The following CACNB2 variants were observed in gnomAD, a reference collection of about 807,000 sequenced individuals.
CACNB2 encodes calcium voltage-gated channel auxiliary subunit beta 2.
Under a neutral mutation model 73.3 loss-of-function variants are expected in CACNB2, and 42 were observed. The ratio of observed to expected loss-of-function variants is 0.57; its 90% CI spans 0.45 to 0.74. CACNB2 has a LOEUF of 0.74. Among genes scored for constraint, CACNB2 ranks in the 30% least tolerant of loss-of-function variants. The pLI is 0.00. For synonymous variants in CACNB2, 348 were observed against 310.3 expected, an observed-to-expected ratio of 1.12 and a Z score of -1.28; for missense variants, 940 against 853.0, an observed-to-expected ratio of 1.10 and a Z score of -1.27.
At chr10:18,306,272 A>G (rs2131857797) in intron 2 of CACNB2, among the ~76,000 whole-genome samples, 1 of 152,314 alleles carries the variant, frequency 6.6e-6, no homozygotes. Context: ...TCACTTGAGG[A>G]GAAGTGAGTT....
chr10:18,409,099 G>A (rs974682460), intron 3 of CACNB2, among the ~76,000 whole-genome samples: 1 of 151,972 alleles, frequency 6.6e-6, no homozygotes, highest in Non-Finnish European at 1.5e-5. Context: ...GGAGTTCGAG[G>A]CCAGGCTGGC....
At chr10:18,336,854 G>A (rs1165278015) in intron 2 of CACNB2, among the ~76,000 whole-genome samples, 1 of 152,134 alleles carries the variant, frequency 6.6e-6, no homozygotes, top group Non-Finnish European at 1.5e-5. Flanking sequence ...ATCCTTGGTT[G>A]CGTGTTAGAC....
chr10:18,462,181 A>G (rs2047617085), intron 3 of CACNB2, among the ~76,000 whole-genome samples: 1 of 152,204 alleles, frequency 6.6e-6, no homozygotes, highest in South Asian at 2.1e-4. Context: ...TATTCACTAT[A>G]AGAAATTATT....
chr10:18,490,281 T>C (rs532124880), intron 3 of CACNB2, among the ~76,000 whole-genome samples: 2 of 152,316 alleles, frequency 1.3e-5, no homozygotes, highest in South Asian at 4.1e-4. Flanking sequence ...CACAAACCAA[T>C]ATGCCACAAA....
chr10:18,477,702 AT>A (rs1454431276), intron 3 of CACNB2, among the ~76,000 whole-genome samples: 4 of 152,136 alleles, frequency 2.6e-5, no homozygotes, highest in African/African-American at 9.7e-5. Context: ...GGGTGTGGTA[AT>A]TCACATAATG....
chr10:18,328,387 G>C (rs1182322658), intron 2 of CACNB2, among the ~76,000 whole-genome samples: 1 of 152,184 alleles, frequency 6.6e-6, no homozygotes, highest in Non-Finnish European at 1.5e-5. Context: ...GCAAGGCTGA[G>C]AAAGACTGGT....
chr10:18,371,981 T>A (rs1349619842), intron 2 of CACNB2, among the ~76,000 whole-genome samples: 1 of 152,252 alleles, frequency 6.6e-6, no homozygotes, highest in African/African-American at 2.4e-5. Flanking sequence ...TCATGTGTCT[T>A]TTGCCTGCAT....
chr10:18,493,722 A>G (rs893981233), intron 3 of CACNB2, among the ~76,000 whole-genome samples: 9 of 152,164 alleles, frequency 5.9e-5, no homozygotes, highest in Admixed American at 2.0e-4. Flanking sequence ...ATCCAAATCC[A>G]GGTCCACTTA....
intron 2 of CACNB2, among the ~76,000 whole-genome samples, chr10:18,372,184 CT>C (rs1358471537): frequency 2.0e-5 from 3 of 152,100 alleles, no homozygotes; most frequent in African/African-American, 7.2e-5. Context: ...GTTTCTTTTG[CT>C]GTGCAGAAGG....
chr10:18,297,518 A>G (rs1448159054), intron 2 of CACNB2, among the ~76,000 whole-genome samples: 1 of 152,198 alleles, frequency 6.6e-6, no homozygotes, highest in African/African-American at 2.4e-5. Flanking sequence ...TGATCATGAC[A>G]CTGCATTCCG....
intron 2 of CACNB2, among the ~76,000 whole-genome samples, chr10:18,281,737 T>G (rs7897882): frequency 0.79 from 120,533 of 152,022 alleles, 48,037 homozygotes; most frequent in East Asian, 0.99. Flanking sequence ...ATAGCACTTT[T>G]GGAGGCTGTG....
At chr10:18,490,358 A>G (rs977937329) in intron 3 of CACNB2, among the ~76,000 whole-genome samples, 3 of 152,210 alleles carry the variant, frequency 2.0e-5, no homozygotes, top group African/African-American at 7.2e-5. Context: ...CCCTCATGCT[A>G]TGTAGCATGT....
intron 2 of CACNB2, among the ~76,000 whole-genome samples, chr10:18,156,211 T>A (rs933768699): frequency 3.3e-5 from 5 of 152,250 alleles, no homozygotes; most frequent in Non-Finnish European, 7.3e-5. Flanking sequence ...TTAAGAAGAA[T>A]CACTGGTCTT....
intron 2 of CACNB2, among the ~76,000 whole-genome samples, chr10:18,386,988 C>A (rs981894363): frequency 6.6e-6 from 1 of 152,150 alleles, no homozygotes; most frequent in Admixed American, 6.5e-5. Flanking sequence ...CATTTAATTC[C>A]CTTCATAATT....
At chr10:18,529,249 T>C (rs2052763068) in intron 10 of CACNB2, among the ~76,000 whole-genome samples, 1 of 152,226 alleles carries the variant, frequency 6.6e-6, no homozygotes, top group Non-Finnish European at 1.5e-5. Flanking sequence ...CAAGATTTTT[T>C]TTACAACTAC....
chr10:18,394,166 C>A (rs898740729), intron 2 of CACNB2, among the ~76,000 whole-genome samples: 1 of 122,614 alleles, frequency 8.2e-6, no homozygotes, highest in African/African-American at 3.0e-5. Context: ...GGTCTCTTGG[C>A]CAGGCTGGTC....
intron 2 of CACNB2, among the ~76,000 whole-genome samples, chr10:18,242,986 G>C (rs925948547): frequency 1.7e-4 from 25 of 146,482 alleles, no homozygotes; most frequent in African/African-American, 6.4e-4. Context: ...CTCCAGCCTG[G>C]GCGACAGAGC....
intron 2 of CACNB2, among the ~76,000 whole-genome samples, chr10:18,391,405 T>C (rs2043462245): frequency 6.6e-6 from 1 of 152,140 alleles, no homozygotes; most frequent in Non-Finnish European, 1.5e-5. Context: ...TTGGGAGAGC[T>C]TTAAACTATA....
chr10:18,331,673 A>G (rs1172946402), intron 2 of CACNB2, among the ~76,000 whole-genome samples: 1 of 152,110 alleles, frequency 6.6e-6, no homozygotes, highest in Non-Finnish European at 1.5e-5. Context: ...CTAGGTGATG[A>G]GTTGAACATC....
Sources: gnomAD v4.1 joint callset for allele counts (sites outside exome capture counted in the v4.1 genomes callset) on GRCh38, gnomAD v4.1.1 for gene constraint, MANE v1.5 for transcripts, NCBI Gene and HGNC (gene_info 2026-07-23, HGNC 2026-07-21) for gene names.